The following SLC4A10 variants were observed in gnomAD, a reference collection of about 807,000 sequenced individuals.
The protein encoded by SLC4A10 is sodium-driven chloride bicarbonate exchanger.
SLC4A10 carries 42 observed loss-of-function variants against 137.7 expected under a neutral mutation model. That is an observed-to-expected ratio of 0.30 (90% confidence interval 0.24 to 0.39). The LOEUF (loss-of-function observed/expected upper bound fraction) is 0.39. Among genes scored for constraint, SLC4A10 ranks in the 10% least tolerant of loss-of-function variants. The pLI is 1.00. For synonymous variants in SLC4A10, 474 were observed against 464.1 expected (o/e 1.02, Z -0.27); for missense variants, 925 against 1,355.0 (o/e 0.68, Z 4.98).
intron 11 of SLC4A10, among the ~76,000 whole-genome samples, chr2:161,899,428 C>T (rs1320813815): frequency 1.3e-5 from 2 of 152,024 alleles, no homozygotes; most frequent in African/African-American, 2.4e-5. Flanking sequence ...GAGGCTTTTG[C>T]CCCTACCATT....
At chr2:161,664,967 A>T (rs2038878789) in intron 1 of SLC4A10, among the ~76,000 whole-genome samples, 1 of 151,830 alleles carries the variant, frequency 6.6e-6, no homozygotes, top group Admixed American at 6.6e-5. Context: ...ACTTTAATGA[A>T]TGTGCTACAA....
Position 161,874,242 on chromosome 2 carries a change from C to T in SLC4A10, c.948+237C>T, listed in dbSNP as rs561962565. On this transcript the variant is annotated intron_variant, in intron 8 of 26. Coordinates refer to ENST00000446997, the MANE Select transcript of SLC4A10 (RefSeq NM_001178015.2). ...AATGATCTTAAAAGCAATAATGTAA[C>T]GAGCTGCATATTTATGTATAAATGC... 1.8e-4 allele frequency among the ~76,000 whole-genome samples: 27 copies of T among 152,286 alleles called. No homozygotes were observed. In the South Asian group the frequency reaches 5.0e-3, roughly 28 times the overall value.
intron 10 of SLC4A10, among the ~76,000 whole-genome samples, chr2:161,883,671 G>C (rs1408114986): frequency 1.3e-5 from 2 of 152,080 alleles, no homozygotes; most frequent in Non-Finnish European, 2.9e-5. Context: ...AAGTCTCTAG[G>C]GGAGGATCCT....
chr2:161,697,904 G>T (rs947424099), intron 1 of SLC4A10, among the ~76,000 whole-genome samples: 1 of 152,192 alleles, frequency 6.6e-6, no homozygotes, highest in Non-Finnish European at 1.5e-5. Context: ...GGGCCGTATG[G>T]CCGTTTTCAC....
chr2:161,961,203 CT>C (rs1665517912), intron 21 of SLC4A10, among the ~76,000 whole-genome samples: 1 of 152,152 alleles, frequency 6.6e-6, no homozygotes. Flanking sequence ...ATCTCTGTTC[CT>C]GAGCAAATGA....
At chr2:161,938,730 A>G (rs1293160523) in intron 15 of SLC4A10, among the ~76,000 whole-genome samples, 2 of 151,426 alleles carry the variant, frequency 1.3e-5, no homozygotes, top group Non-Finnish European at 2.9e-5. Flanking sequence ...AAGAGAGACA[A>G]AGCAAATATA....
intron 10 of SLC4A10, among the ~76,000 whole-genome samples, chr2:161,887,483 CT>C (rs993184422): frequency 1.3e-5 from 2 of 152,116 alleles, no homozygotes; most frequent in Admixed American, 6.6e-5. Context: ...TGTTTCCTGA[CT>C]TTTTAATGAT....
At chr2:161,649,132 C>G (rs1037973293) in intron 1 of SLC4A10, among the ~76,000 whole-genome samples, 3 of 152,118 alleles carry the variant, frequency 2.0e-5, no homozygotes, top group African/African-American at 7.2e-5. Flanking sequence ...ACTTTGGAGG[C>G]CGAGGTGGTG....
chr2:161,758,522 A>T (rs923009004), intron 1 of SLC4A10, among the ~76,000 whole-genome samples: 12 of 151,882 alleles, frequency 7.9e-5, no homozygotes, highest in African/African-American at 2.9e-4. Flanking sequence ...ACTTCTTTCC[A>T]TCTTCATTTT....
intron 5 of SLC4A10, 131 bp downstream of exon 5, chr2:161,855,261 G>A: frequency 3.7e-6 from 3 of 803,530 alleles, no homozygotes; most frequent in Non-Finnish European, 5.4e-6. Context: ...GGTCTTAAAA[G>A]TCATTTTCTT....
chr2:161,967,456 A>G (rs1160826516), intron 23 of SLC4A10, among the ~76,000 whole-genome samples: 2 of 152,196 alleles, frequency 1.3e-5, no homozygotes, highest in African/African-American at 4.8e-5. Context: ...AATCACACAA[A>G]TGTACGACAA....
intron 4 of SLC4A10, among the ~76,000 whole-genome samples, chr2:161,852,727 T>G (rs1311640527): frequency 6.6e-6 from 1 of 152,124 alleles, no homozygotes; most frequent in Non-Finnish European, 1.5e-5. Flanking sequence ...TACTATATTA[T>G]GGTGGGAAAT....
chr2:161,902,503 A>G (rs1020086811), intron 12 of SLC4A10, among the ~76,000 whole-genome samples: 4 of 152,168 alleles, frequency 2.6e-5, no homozygotes, highest in South Asian at 2.1e-4. Context: ...TTTACCAAAC[A>G]TGGGTAGAGA....
chr2:161,815,602 T>C (rs2056981479), intron 3 of SLC4A10, among the ~76,000 whole-genome samples: 1 of 152,064 alleles, frequency 6.6e-6, no homozygotes, highest in South Asian at 2.1e-4. Context: ...AGAACATTGC[T>C]TATCAAACCT....
At chr2:161,676,264 A>G (rs1330415353) in intron 1 of SLC4A10, among the ~76,000 whole-genome samples, 1 of 152,192 alleles carries the variant, frequency 6.6e-6, no homozygotes, top group Non-Finnish European at 1.5e-5. Flanking sequence ...ACAATATAGC[A>G]TGGGATCAGG....
At chr2:161,751,366 T>C (rs1574758728) in intron 1 of SLC4A10, among the ~76,000 whole-genome samples, 1 of 147,460 alleles carries the variant, frequency 6.8e-6, no homozygotes, top group South Asian at 2.2e-4. Flanking sequence ...TTTTTTTTTT[T>C]CATATATTGC....
intron 1 of SLC4A10, among the ~76,000 whole-genome samples, chr2:161,767,150 T>TGC (rs2050950147): frequency 8.7e-6 from 1 of 115,170 alleles, no homozygotes; most frequent in African/African-American, 3.2e-5. Context: ...TGTGTGTGTG[T>TGC]GTGTGTGTGT....
chr2:161,704,191 AT>A (rs1034848703), intron 1 of SLC4A10, among the ~76,000 whole-genome samples: 3 of 151,746 alleles, frequency 2.0e-5, no homozygotes, highest in Non-Finnish European at 3.0e-5. Context: ...ATGTCATACA[AT>A]TTTTTTCCAG....
In SLC4A10 at chr2:161,879,303, A is replaced by G. The variant is rs2061614283; in HGVS notation, c.1106+15A>G. ...ATCCCAACCAGGTAAAAAGTATAAA[A>G]GCGTCTTTTGTATTTTTCTTAAACC... On this transcript the variant is annotated intron_variant, in intron 9 of 26. Transcript: ENST00000446997. 6.3e-7 allele frequency: 1 copy of G among 1,592,508 alleles called. No homozygotes were observed. Among genetic ancestry groups the G allele is most frequent in the African/African-American group, 1.4e-5 (1 of 74,034 alleles).
Sources: allele counts gnomAD v4.1 joint callset (sites outside exome capture counted in the v4.1 genomes callset), GRCh38; gene constraint gnomAD v4.1.1; transcripts MANE v1.5; gene names NCBI Gene and HGNC (gene_info 2026-07-23, HGNC 2026-07-21).